UBE4B: variants seen among roughly 807,000 people sequenced by gnomAD.
UBE4B encodes the protein ubiquitination factor E4B.
Under a neutral mutation model 148.1 loss-of-function variants are expected in UBE4B, and 27 were observed. The observed-to-expected ratio is 0.18, with a 90% CI of 0.13 to 0.25. UBE4B has a LOEUF of 0.25. UBE4B is among the 10% of genes least tolerant of loss of function. The probability of loss-of-function intolerance (pLI) is 1.00; values close to 1 mark genes in which losing one functional copy is unlikely to be tolerated. For synonymous variants in UBE4B, 596 were observed against 619.3 expected (o/e 0.96, Z 0.56); for missense variants, 1,170 against 1,662.4 (o/e 0.70, Z 5.15).
chr1:10,106,187 A>G lies in UBE4B; in HGVS notation c.810-10A>G, dbSNP rs746754591. 6.4e-7 allele frequency: 1 copy of G among 1,550,512 alleles called. No homozygotes were observed. Among genetic ancestry groups the G allele is most frequent in the East Asian group, 2.3e-5 (1 of 43,796 alleles). ...TTTCTCTTCTTTCCTCCCTTTCTCAACTAATTTAGCCTCTATGAAAGTAGT... is the reference window on the plus strand; with the variant it reads ...TTTCTCTTCTTTCCTCCCTTTCTCAGCTAATTTAGCCTCTATGAAAGTAGT... On this transcript the variant is annotated splice_polypyrimidine_tract_variant and intron_variant, in intron 6 of 27. Transcript: ENST00000343090. The surrounding 1 kb of genome is among the most constrained non-coding windows in gnomAD (Gnocchi z 4.2).
rs1337488055 is a variant in UBE4B, at chr1:10,126,697, G to GA, written c.1555-94dup. 4.7e-6 allele frequency: 5 copies of GA among 1,064,858 alleles called. No individual in the cohort carries two copies. In the African/African-American group the frequency reaches 8.1e-5, roughly 17 times the overall value. The allele number at this position is 1,064,858 out of a possible 1,614,324, so 66.0% of individuals were successfully genotyped here. On this transcript the variant is annotated intron_variant, in intron 10 of 27. Transcript: ENST00000343090. ...AAAAGCTTTTCCCTGGGGAAGGAAT[G>GA]AAATTTGGACATTCAGTTCTAGCAC...
intron 1 of UBE4B, among the ~76,000 whole-genome samples, chr1:10,060,492 T>C (rs1176845694): frequency 6.6e-6 from 1 of 152,238 alleles, no homozygotes; most frequent in African/African-American, 2.4e-5. Flanking sequence ...AATGTCGTTA[T>C]GCAGCCCATG....
intron 1 of UBE4B, among the ~76,000 whole-genome samples, chr1:10,070,860 T>G (rs1450724854): frequency 2.6e-5 from 4 of 152,206 alleles, no homozygotes; most frequent in Non-Finnish European, 5.9e-5. Flanking sequence ...TAAATTTGTG[T>G]CTTAGTGTAA....
chr1:10,102,297 C>T (rs1645025676), intron 4 of UBE4B, among the ~76,000 whole-genome samples: 1 of 149,664 alleles, frequency 6.7e-6, no homozygotes, highest in South Asian at 2.1e-4. Flanking sequence ...GGAGTGTTAA[C>T]CTGGTCCTAT....
intron 1 of UBE4B, 37 bp downstream of exon 1, chr1:10,033,731 G>A: frequency 6.5e-7 from 1 of 1,534,936 alleles, no homozygotes; most frequent in Admixed American, 2.1e-5. Flanking sequence ...GGATTAGTTG[G>A]CAACTCGTTA....
intron 7 of UBE4B, among the ~76,000 whole-genome samples, chr1:10,111,032 TTC>T (rs1645209337): frequency 1.2e-5 from 1 of 86,848 alleles, no homozygotes; most frequent in East Asian, 3.0e-4. Context: ...CTCTCTGTCT[TTC>T]TCTGTCTCTG....
intron 19 of UBE4B, among the ~76,000 whole-genome samples, chr1:10,148,375 T>TA (rs546511712): frequency 0.017 from 2,620 of 152,202 alleles, 35 homozygotes; most frequent in Non-Finnish European, 0.027. Flanking sequence ...CTCACGTCTG[T>TA]AATCCCAGTA....
chr1:10,093,414 G>A (rs868005224), intron 2 of UBE4B, among the ~76,000 whole-genome samples: 2 of 152,062 alleles, frequency 1.3e-5, no homozygotes, highest in Non-Finnish European at 2.9e-5. Flanking sequence ...TTCTCACTAC[G>A]GTAGATGCTT....
chr1:10,076,803 A>G (rs58900002), intron 2 of UBE4B, among the ~76,000 whole-genome samples: 3,704 of 143,530 alleles, frequency 0.026, 153 homozygotes, highest in African/African-American at 0.094. Flanking sequence ...CTGGAGTGCA[A>G]TGGCATGATC....
At chr1:10,136,940 TAAAC>T (rs767152344) in intron 16 of UBE4B, 123 bp from the exon 17 acceptor site, 77 of 1,057,216 alleles carry the variant, frequency 7.3e-5, no homozygotes, top group African/African-American at 3.1e-4. Flanking sequence ...AATAAATAAA[TAAAC>T]AAATAAAAAG....
At chr1:10,074,987 C>A in intron 2 of UBE4B, among the ~76,000 whole-genome samples, 1 of 152,124 alleles carries the variant, frequency 6.6e-6, no homozygotes, top group East Asian at 1.9e-4. Context: ...GCTAGCATGC[C>A]CCAAATCAAG....
intron 1 of UBE4B, among the ~76,000 whole-genome samples, chr1:10,041,264 C>T (rs1449224681): frequency 6.6e-6 from 1 of 151,772 alleles, no homozygotes; most frequent in African/African-American, 2.4e-5. Flanking sequence ...GTTCTGACTC[C>T]AGAGTTTTCT....
At chr1:10,104,984 A>G (rs1448433937) in intron 5 of UBE4B, among the ~76,000 whole-genome samples, 1 of 152,264 alleles carries the variant, frequency 6.6e-6, no homozygotes, top group African/African-American at 2.4e-5. Flanking sequence ...GCTAGAATGT[A>G]GCATTTGCTC....
At chr1:10,109,713 C>CAT (rs1645186010) in intron 7 of UBE4B, among the ~76,000 whole-genome samples, 1 of 151,686 alleles carries the variant, frequency 6.6e-6, no homozygotes, top group Non-Finnish European at 1.5e-5. Flanking sequence ...TGCAGTGGAG[C>CAT]GATCTCGGCT....
At chr1:10,101,076 G>T (rs769022467) in intron 3 of UBE4B, 32 bp from the exon 4 acceptor site, 1 of 1,599,800 alleles carries the variant, frequency 6.3e-7, no homozygotes, top group Non-Finnish European at 8.6e-7. Flanking sequence ...TTTATAAAAG[G>T]TAAAAGGCTT....
chr1:10,172,336 G>A (rs149582683), intron 25 of UBE4B, among the ~76,000 whole-genome samples: 59 of 152,192 alleles, frequency 3.9e-4, no homozygotes, highest in African/African-American at 1.3e-3. Flanking sequence ...CCCACTTTTC[G>A]TATCTCCACC....
intron 1 of UBE4B, among the ~76,000 whole-genome samples, chr1:10,069,434 T>C (rs576701918): frequency 4.6e-4 from 70 of 152,274 alleles, no homozygotes; most frequent in African/African-American, 1.1e-3. Flanking sequence ...CAAATAAATA[T>C]ATCACACATG....
chr1:10,036,706 C>T (rs1411365736), intron 1 of UBE4B, among the ~76,000 whole-genome samples: 1 of 151,862 alleles, frequency 6.6e-6, no homozygotes, highest in Non-Finnish European at 1.5e-5. Context: ...GAGACATTTC[C>T]AAAGCTTTTG....
chr1:10,111,086 C>T lies in UBE4B; in HGVS notation c.1196+4503C>T, dbSNP rs11799711. Among the ~76,000 whole-genome samples, 635 of 147,082 alleles carry T rather than the reference C, an allele frequency of 4.3e-3. 7 individuals carry two copies. Among genetic ancestry groups the T allele is most frequent in the African/African-American group, 0.016 (598 of 37,722 alleles). On this transcript the variant is annotated intron_variant, in intron 7 of 27. Transcript: ENST00000343090. Reference sequence around the variant, plus strand: ...ACACACACACACACACACACACACACACACACAGTCTTTCCACCATATCTA... The same window carrying T: ...ACACACACACACACACACACACACATACACACAGTCTTTCCACCATATCTA...
Sources: gnomAD v4.1 joint callset for allele counts (sites outside exome capture counted in the v4.1 genomes callset) on GRCh38, gnomAD v4.1.1 for gene constraint, Gnocchi (gnomAD v3.1) non-coding constraint, MANE v1.5 for transcripts, NCBI Gene and HGNC (gene_info 2026-07-23, HGNC 2026-07-21) for gene names.